The following SNX8 variants were observed in gnomAD, a reference collection of about 807,000 sequenced individuals.
The protein encoded by SNX8 is sorting nexin-8.
A neutral mutation model predicts 51.6 loss-of-function variants in SNX8; 25 were observed. The ratio of observed to expected loss-of-function variants is 0.48; its 90% CI spans 0.35 to 0.68. The LOEUF (loss-of-function observed/expected upper bound fraction) is 0.68, where lower values mean the gene tolerates loss of function less well. Among genes scored for constraint, SNX8 ranks in the 30% least tolerant of loss-of-function variants. The probability of loss-of-function intolerance (pLI) is 0.00; values close to 1 mark genes in which losing one functional copy is unlikely to be tolerated. For synonymous variants in SNX8, 324 were observed against 277.0 expected, an observed-to-expected ratio of 1.17 and a Z score of -1.68; for missense variants, 695 against 624.0, an observed-to-expected ratio of 1.11 and a Z score of -1.21.
At chr7:2,351,976 C>A (rs1432631038) in intron 1 of SNX8, among the ~76,000 whole-genome samples, 1 of 132,582 alleles carries the variant, frequency 7.5e-6, no homozygotes, top group Non-Finnish European at 1.5e-5. Flanking sequence ...GGTGCAATCT[C>A]CGCTCACTAC....
chr7:2,263,509 G>A, intron 6 of SNX8, 147 bp from the exon 7 acceptor site: 2 of 786,800 alleles, frequency 2.5e-6, no homozygotes, highest in South Asian at 1.9e-5. Flanking sequence ...GTGGCCTGTG[G>A]GGACCCTGGG....
chr7:2,347,510 AGAGCCTTTGGCTG>A (rs1779055336), intron 1 of SNX8, among the ~76,000 whole-genome samples: 1 of 149,380 alleles, frequency 6.7e-6, no homozygotes, highest in African/African-American at 2.4e-5. Context: ...GAAAAAAAAA[AGAGCCTTTGGCTG>A]AAGGCAGTAG....
Position 2,342,751 on chromosome 7 carries a change from G to C in SNX8, c.-66+11471C>G, listed in dbSNP as rs947644471. Among the ~76,000 whole-genome samples, 3 of 152,234 alleles carry C rather than the reference G, an allele frequency of 2.0e-5. No individual in the cohort carries two copies. In the South Asian group the frequency reaches 6.2e-4, roughly 32 times the overall value. On this transcript the variant is annotated intron_variant, in intron 1 of 5. Transcript: ENST00000435336. ...AGTAACTTTTATAGCCCAGGACACA[G>C]GGTGACAAACTATAGCCCATCAGCC...
intron 1 of SNX8, among the ~76,000 whole-genome samples, chr7:2,327,019 A>C (rs999347374): frequency 6.6e-6 from 1 of 152,178 alleles, no homozygotes; most frequent in Non-Finnish European, 1.5e-5. Flanking sequence ...ATATTGTCTC[A>C]GAGTGCTTGA....
chr7:2,315,950 C>CCACT (rs548074132), upstream of SNX8, among the ~76,000 whole-genome samples: 7 of 144,670 alleles, frequency 4.8e-5, no homozygotes, highest in Admixed American at 1.4e-4. Flanking sequence ...ATTCATTCAT[C>CCACT]CACTCACTCA....
At chr7:2,330,431 C>T (rs181850271) in intron 1 of SNX8, among the ~76,000 whole-genome samples, 3 of 152,234 alleles carry the variant, frequency 2.0e-5, no homozygotes, top group Non-Finnish European at 2.9e-5. Flanking sequence ...GCCACCGTGC[C>T]CAGCCCTTTT....
upstream of SNX8, among the ~76,000 whole-genome samples, chr7:2,318,781 G>A (rs578176395): frequency 1.3e-4 from 20 of 151,234 alleles, no homozygotes; most frequent in East Asian, 3.9e-3. Flanking sequence ...GGAGGTCGAG[G>A]CAGGAGGATC....
chr7:2,325,865 A>C (rs1207927513), intron 1 of SNX8, among the ~76,000 whole-genome samples: 4 of 152,152 alleles, frequency 2.6e-5, no homozygotes. Flanking sequence ...ATAAAAAAAT[A>C]AAAGAAGGTA....
intron 1 of SNX8, among the ~76,000 whole-genome samples, chr7:2,352,039 C>G (rs142423213): frequency 0.031 from 4,705 of 150,902 alleles, 241 homozygotes; most frequent in African/African-American, 0.11. Flanking sequence ...TCCTGAGTAG[C>G]TGAGATTACA....
intron 1 of SNX8, among the ~76,000 whole-genome samples, chr7:2,308,828 G>A (rs557443786): frequency 2.1e-5 from 3 of 140,204 alleles, no homozygotes; most frequent in African/African-American, 8.2e-5. Context: ...CTGTCAACCA[G>A]GCTGCAGCGC....
intron 5 of SNX8, among the ~76,000 whole-genome samples, chr7:2,268,839 G>A (rs1237962745): frequency 9.8e-5 from 3 of 30,578 alleles, no homozygotes; most frequent in African/African-American, 2.9e-4. Flanking sequence ...CAGCCGCCCC[G>A]TCCGGGAGGG....
intron 1 of SNX8, among the ~76,000 whole-genome samples, chr7:2,349,254 G>A (rs1344253625): frequency 1.3e-5 from 2 of 151,360 alleles, no homozygotes; most frequent in African/African-American, 2.4e-5. Context: ...ATAGTAAAGT[G>A]TACATAACAT....
intron 1 of SNX8, among the ~76,000 whole-genome samples, chr7:2,280,894 G>T (rs1400699367): frequency 2.0e-5 from 3 of 150,110 alleles, no homozygotes; most frequent in Non-Finnish European, 4.4e-5. Flanking sequence ...CCGGGTTCAA[G>T]CAATTCTGCT....
rs150793236 is a variant in SNX8, at chr7:2,264,312, G to A, written c.768C>T (p.Phe256=). The A allele has an allele frequency of 4.1e-4, 668 of 1,611,284 alleles. No individual in the cohort carries two copies. The highest frequency in any genetic ancestry group is 5.4e-4 in the Non-Finnish European group (633 of 1,178,788). ...AGGTCACCTACCTTAGCTCCTTCCCGAATATGAGAAGATCTGCCGCATTGT... is the reference window on the plus strand; with the variant it reads ...AGGTCACCTACCTTAGCTCCTTCCCAAATATGAGAAGATCTGCCGCATTGT... ...AIDNAADLLI[F]GKELSAIGSD... The change falls in exon 6 of 11, where the codon TTC becomes TTT. Residue 256 remains phenylalanine, a synonymous_variant. Coordinates refer to ENST00000222990, the MANE Select transcript of SNX8 (RefSeq NM_013321.4).
rs1339369963 is a variant in SNX8, at chr7:2,303,662, C to G, written c.94+10666G>C. ...GTTGATCTGTGACCTTACCACCAAC[C>G]CTGTGCTCTCTGAAACATGTGCTGT... is the stretch of plus-strand genomic sequence containing the variant. On this transcript the variant is annotated intron_variant, in intron 1 of 10. Transcript: ENST00000222990. 8.8e-4 allele frequency among the ~76,000 whole-genome samples: 134 copies of G among 152,244 alleles called. 2 individuals carry two copies. Among genetic ancestry groups the G allele is most frequent in the Non-Finnish European group, 5.6e-4 (38 of 68,014 alleles).
chr7:2,309,578 A>C (rs1181226967), intron 1 of SNX8, among the ~76,000 whole-genome samples: 1 of 151,822 alleles, frequency 6.6e-6, no homozygotes, highest in Non-Finnish European at 1.5e-5. Context: ...CTGAAAATAC[A>C]AAATTAGCCA....
upstream of SNX8, among the ~76,000 whole-genome samples, chr7:2,315,562 CTCAT>C (rs1796740016): frequency 6.6e-6 from 1 of 151,266 alleles, no homozygotes; most frequent in Admixed American, 6.6e-5. Flanking sequence ...CACCCACTCA[CTCAT>C]GCACTGCATC....
chr7:2,351,173 G>T (rs933699999), intron 1 of SNX8, among the ~76,000 whole-genome samples: 24 of 152,010 alleles, frequency 1.6e-4, no homozygotes, highest in African/African-American at 4.8e-4. Context: ...CACGCTGCAG[G>T]TCAGCCTGGG....
At chr7:2,320,405 G>C (rs556994204) in intron 1 of SNX8, among the ~76,000 whole-genome samples, 3 of 152,170 alleles carry the variant, frequency 2.0e-5, no homozygotes, top group African/African-American at 7.2e-5. Flanking sequence ...CATTTCCAGA[G>C]TATTTACTGT....
Sources: allele counts gnomAD v4.1 joint callset (sites outside exome capture counted in the v4.1 genomes callset), GRCh38; gene constraint gnomAD v4.1.1; transcripts MANE v1.5; gene names NCBI Gene and HGNC (gene_info 2026-07-23, HGNC 2026-07-21).